Variants in KCNIP4 observed in about 807,000 individuals in gnomAD.
KCNIP4 encodes the protein potassium voltage-gated channel interacting protein 4.
Under a neutral mutation model 34.0 loss-of-function variants are expected in KCNIP4, and 12 were observed. The ratio of observed to expected loss-of-function variants is 0.35; its 90% CI spans 0.23 to 0.57. KCNIP4 has a LOEUF of 0.57. Ranked by LOEUF, KCNIP4 falls within the 20% of genes least tolerant of loss-of-function variation. KCNIP4 has a pLI of 0.83. For missense variants in KCNIP4, 238 were observed against 311.7 expected (o/e 0.76, Z 1.78); for synonymous variants, 124 against 102.2 (o/e 1.21, Z -1.29).
chr4:21,359,296 T>TA (rs926794081), intron 1 of KCNIP4, among the ~76,000 whole-genome samples: 21 of 152,068 alleles, frequency 1.4e-4, no homozygotes, highest in Non-Finnish European at 2.4e-4. Context: ...CCTGAAGACT[T>TA]AGATTAAATT....
intron 1 of KCNIP4, among the ~76,000 whole-genome samples, chr4:21,477,744 G>A (rs1339892705): frequency 6.6e-6 from 1 of 152,176 alleles, no homozygotes; most frequent in Non-Finnish European, 1.5e-5. Context: ...AGTGCACCAT[G>A]TACAGAAGGT....
chr4:20,732,115 A>C, intron 7 of KCNIP4, 47 bp from the exon 8 acceptor site: 1 of 1,297,210 alleles, frequency 7.7e-7, no homozygotes, highest in Non-Finnish European at 1.1e-6. Flanking sequence ...ATCCCTTAAT[A>C]CCCTCACACC....
chr4:21,550,490 G>A (rs775457302), intron 1 of KCNIP4, among the ~76,000 whole-genome samples: 2 of 151,948 alleles, frequency 1.3e-5, no homozygotes, highest in African/African-American at 2.4e-5. Context: ...TTTATCTGTC[G>A]CTAGTCTCTC....
intron 1 of KCNIP4, among the ~76,000 whole-genome samples, chr4:20,918,977 A>C (rs777060127): frequency 5.3e-5 from 8 of 152,248 alleles, no homozygotes; most frequent in Non-Finnish European, 1.0e-4. Context: ...AGGGGCCTTT[A>C]GGCAAGGCAT....
Position 21,948,670 on chromosome 4 carries a change from C to G in KCNIP4, c.-39G>C, listed in dbSNP as rs1246866780. The G allele has an allele frequency of 1.2e-6, 2 of 1,601,550 alleles. No homozygotes were observed. The highest frequency in any genetic ancestry group is 2.7e-5 in the African/African-American group (2 of 74,730). ...GGGTGCAGAAGCGAGACTCGAGAGT[C>G]CACCGGCCAGGGGCGTCTGTCCACG... On this transcript the variant is annotated 5_prime_UTR_variant, in exon 1 of 9. Coordinates refer to ENST00000382152, the MANE Select transcript of KCNIP4 (RefSeq NM_025221.6).
chr4:21,806,486 T>C (rs1330856995), intron 1 of KCNIP4, among the ~76,000 whole-genome samples: 2 of 152,218 alleles, frequency 1.3e-5, no homozygotes, highest in Non-Finnish European at 2.9e-5. Flanking sequence ...ATTACTTTTA[T>C]ATAGAAGAAT....
chr4:20,860,503 TTATAAA>T (rs1722081880), intron 2 of KCNIP4, among the ~76,000 whole-genome samples: 1 of 152,222 alleles, frequency 6.6e-6, no homozygotes, highest in Non-Finnish European at 1.5e-5. Context: ...TCTAAAAAGA[TTATAAA>T]TATTGTAACT....
chr4:21,893,106 C>T (rs1168492503), intron 1 of KCNIP4, among the ~76,000 whole-genome samples: 1 of 152,130 alleles, frequency 6.6e-6, no homozygotes, highest in Non-Finnish European at 1.5e-5. Context: ...GACGAGTAAG[C>T]AAGAGCCTTA....
In KCNIP4 at chr4:21,355,143, T is replaced by A. The variant is rs1336039305; in HGVS notation, c.62-472434A>T. On this transcript the variant is annotated intron_variant, in intron 1 of 8. Coordinates refer to ENST00000382152, the MANE Select transcript of KCNIP4 (RefSeq NM_025221.6). ...AATGTACCAGATTCTCTGGAACACA[T>A]TTAAAGCAGTGTGTAGAGGGAAATT... 1.1e-3 allele frequency among the ~76,000 whole-genome samples: 175 copies of A among 152,268 alleles called. 2 individuals carry two copies. Among genetic ancestry groups the A allele is most frequent in the Non-Finnish European group, 8.8e-5 (6 of 68,016 alleles).
intron 1 of KCNIP4, among the ~76,000 whole-genome samples, chr4:21,860,993 T>C (rs572016553): frequency 3.3e-4 from 51 of 152,334 alleles, no homozygotes; most frequent in African/African-American, 1.2e-3. Context: ...AAATGGCAAC[T>C]ATATTTTCCA....
chr4:21,553,032 G>A (rs923457933), intron 1 of KCNIP4, among the ~76,000 whole-genome samples: 1 of 151,964 alleles, frequency 6.6e-6, no homozygotes, highest in Non-Finnish European at 1.5e-5. Context: ...GTGGCCAGTG[G>A]GGGTTGAGGG....
chr4:21,243,710 G>T (rs1179466517), intron 1 of KCNIP4, among the ~76,000 whole-genome samples: 1 of 152,152 alleles, frequency 6.6e-6, no homozygotes, highest in Non-Finnish European at 1.5e-5. Context: ...AGTTCCCCAT[G>T]TACTCTGGCT....
chr4:21,155,083 T>A (rs1315691988), intron 1 of KCNIP4, among the ~76,000 whole-genome samples: 1 of 152,190 alleles, frequency 6.6e-6, no homozygotes, highest in East Asian at 1.9e-4. Flanking sequence ...CTGGGCCAGA[T>A]ATGCCTGTGA....
At chr4:20,793,574 G>A (rs1303660360) in intron 3 of KCNIP4, among the ~76,000 whole-genome samples, 1 of 152,090 alleles carries the variant, frequency 6.6e-6, no homozygotes, top group Non-Finnish European at 1.5e-5. Flanking sequence ...CAACCTTTGT[G>A]GCACCAGGGA....
chr4:21,622,134 T>C (rs958246721), intron 1 of KCNIP4, among the ~76,000 whole-genome samples: 1 of 152,216 alleles, frequency 6.6e-6, no homozygotes, highest in African/African-American at 2.4e-5. Flanking sequence ...CCTGGAATCA[T>C]TGGTACCTTT....
rs541347700 is a variant in KCNIP4, at chr4:21,234,234, CAT to C, written c.62-351527_62-351526del. On this transcript the variant is annotated intron_variant, in intron 1 of 8. Coordinates refer to ENST00000382152, the MANE Select transcript of KCNIP4 (RefSeq NM_025221.6). Reference sequence around the variant, plus strand: ...CGTATATTATATATAACATATATAACATATATATAACATATATTATATATAAC... The same window carrying C: ...CGTATATTATATATAACATATATAACATATATAACATATATTATATATAAC... Among the ~76,000 whole-genome samples, 106 of 32,224 alleles carry C rather than the reference CAT, an allele frequency of 3.3e-3. 20 individuals are homozygous for C. Among genetic ancestry groups the C allele is most frequent in the South Asian group, 7.2e-3 (5 of 696 alleles). The allele number at this position is 32,224 out of a possible 152,430, so 21.1% of individuals were successfully genotyped here. A position where few individuals can be genotyped will look rare whatever the true frequency, so the allele number is the denominator to read the frequency against.
At chr4:21,663,673 G>A (rs572196232) in intron 1 of KCNIP4, among the ~76,000 whole-genome samples, 9 of 152,150 alleles carry the variant, frequency 5.9e-5, no homozygotes, top group African/African-American at 1.9e-4. Flanking sequence ...TTCTTGAAAG[G>A]TCCTGTAGAA....
At chr4:21,581,901 G>T (rs991286454) in intron 1 of KCNIP4, among the ~76,000 whole-genome samples, 1 of 151,820 alleles carries the variant, frequency 6.6e-6, no homozygotes, top group Non-Finnish European at 1.5e-5. Flanking sequence ...AATGGGTCAT[G>T]AACCCAATTT....
At chr4:20,818,157 T>A (rs1716646773) in intron 3 of KCNIP4, among the ~76,000 whole-genome samples, 1 of 152,146 alleles carries the variant, frequency 6.6e-6, no homozygotes, top group Non-Finnish European at 1.5e-5. Context: ...CCCACTCAGT[T>A]TTAGAGATAG....
Sources: gnomAD v4.1 joint callset for allele counts (sites outside exome capture counted in the v4.1 genomes callset) on GRCh38, gnomAD v4.1.1 for gene constraint, MANE v1.5 for transcripts, NCBI Gene and HGNC (gene_info 2026-07-23, HGNC 2026-07-21) for gene names.